HSP90AA1: variants seen among roughly 807,000 people sequenced by gnomAD.
HSP90AA1 encodes heat shock protein 90 alpha family class A member 1.
A neutral mutation model predicts 73.3 loss-of-function variants in HSP90AA1; 18 were observed. The ratio of observed to expected loss-of-function variants is 0.25; its 90% CI spans 0.17 to 0.36. HSP90AA1 has a LOEUF of 0.36. Among genes scored for constraint, HSP90AA1 ranks in the 10% least tolerant of loss-of-function variants. The pLI is 1.00. For missense variants in HSP90AA1, 704 were observed against 874.2 expected (o/e 0.81, Z 2.45); for synonymous variants, 477 against 296.9 (o/e 1.61, Z -6.24).
intron 1 of HSP90AA1, among the ~76,000 whole-genome samples, chr14:102,106,289 A>G (rs935785815): frequency 1.3e-5 from 2 of 152,148 alleles, no homozygotes; most frequent in Non-Finnish European, 2.9e-5. Context: ...GAAGTTTTTC[A>G]CTATTTTCAT....
intron 2 of HSP90AA1, among the ~76,000 whole-genome samples, chr14:102,097,177 G>A (rs2049435914): frequency 6.6e-6 from 1 of 151,900 alleles, no homozygotes; most frequent in African/African-American, 2.4e-5. Context: ...GTAGAGACGG[G>A]GTTTCTCCAT....
chr14:102,094,484 A>G (rs1217253697), intron 2 of HSP90AA1, among the ~76,000 whole-genome samples: 1 of 152,092 alleles, frequency 6.6e-6, no homozygotes, highest in Non-Finnish European at 1.5e-5. Flanking sequence ...GGTGAGGGGC[A>G]CCCCATGCAC....
rs2050194461 is a variant in HSP90AA1 at position 102,139,511 on chromosome 14, G to A, written c.-107C>T. On this transcript the variant is annotated 5_prime_UTR_variant, in exon 1 of 12. Transcript: ENST00000334701. ...TCCCGGCGCCCCTCAGGGCAGGGCG[G>A]GAGACCGCTGAGGAGGCACCCTCAA... 4 of 1,231,846 alleles carry A rather than the reference G, an allele frequency of 3.2e-6. 1 individual carries two copies. The South Asian group carries it at 6.2e-5, about 19-fold the overall frequency. The allele number at this position is 1,231,846 out of a possible 1,614,324, so 76.3% of individuals were successfully genotyped here. A position where few individuals can be genotyped will look rare whatever the true frequency, so the allele number is the denominator to read the frequency against.
chr14:102,134,345 AG>A (rs1342166306), intron 1 of HSP90AA1, among the ~76,000 whole-genome samples: 3 of 132,820 alleles, frequency 2.3e-5, no homozygotes, highest in African/African-American at 8.1e-5. Context: ...AAAAAAAAAA[AG>A]GATGACAGTA....
chr14:102,139,644 G>A (rs577664351), exon 1 of HSP90AA1: 7 of 641,548 alleles, frequency 1.1e-5, no homozygotes, highest in African/African-American at 7.3e-5. Context: ...AGCTGAAGCC[G>A]GCATCACCTG....
At chr14:102,126,448 C>T (rs1005222072) in intron 1 of HSP90AA1, among the ~76,000 whole-genome samples, 4 of 152,048 alleles carry the variant, frequency 2.6e-5, no homozygotes, top group African/African-American at 4.8e-5. Context: ...ATTCTTAAAG[C>T]GGAAAAAGAA....
upstream of HSP90AA1, among the ~76,000 whole-genome samples, chr14:102,087,601 C>T (rs1255930075): frequency 2.0e-5 from 3 of 152,280 alleles, no homozygotes; most frequent in South Asian, 6.2e-4. Flanking sequence ...AGAATCCAGC[C>T]GCAAGCGGCG....
At chr14:102,125,819 A>G (rs2049832727) in intron 1 of HSP90AA1, among the ~76,000 whole-genome samples, 1 of 152,204 alleles carries the variant, frequency 6.6e-6, no homozygotes, top group African/African-American at 2.4e-5. Context: ...ATCTTTCTCA[A>G]AGGTGAGTCA....
At chr14:102,132,924 C>T (rs1222199867) in intron 1 of HSP90AA1, among the ~76,000 whole-genome samples, 2 of 149,948 alleles carry the variant, frequency 1.3e-5, no homozygotes, top group Non-Finnish European at 3.0e-5. Flanking sequence ...TGTGCCACTG[C>T]ACTCCAGCCT....
chr14:102,089,146 C>T (rs565491645), upstream of HSP90AA1, among the ~76,000 whole-genome samples: 8 of 152,256 alleles, frequency 5.3e-5, no homozygotes, highest in East Asian at 1.2e-3. Flanking sequence ...GTCTCGAACC[C>T]GTGACCTCAG....
intron 2 of HSP90AA1, chr14:102,101,765 G>A (rs1421699310): frequency 5.9e-6 from 5 of 842,578 alleles, no homozygotes; most frequent in Admixed American, 2.0e-5. Flanking sequence ...ACAATAAAGA[G>A]AGTGACATTG....
rs1168114801 is a variant in HSP90AA1, at chr14:102,084,335, C to A, written c.1147+64G>T. On this transcript the variant is annotated intron_variant, in intron 6 of 10. Transcript: ENST00000216281. ...TGCTAGGATTATAGGTGTGAGCCAC[C>A]ATGCCCACCCAGAAAGTACTTCTTT... is the stretch of plus-strand genomic sequence containing the variant. The A allele has an allele frequency of 1.2e-3, 1,753 of 1,483,308 alleles. 38 individuals are homozygous for A. In the Admixed American group the frequency reaches 0.028, roughly 24 times the overall value. 91.9% of individuals were successfully genotyped at this position (1,483,308 alleles called of 1,614,324 possible).
intron 1 of HSP90AA1, among the ~76,000 whole-genome samples, chr14:102,113,680 T>C (rs574076640): frequency 6.6e-6 from 1 of 151,246 alleles, no homozygotes; most frequent in Admixed American, 6.6e-5. Flanking sequence ...GCACCAGGCA[T>C]ACTCATTTAT....
chr14:102,126,580 A>G (rs1428781811), intron 1 of HSP90AA1, among the ~76,000 whole-genome samples: 1 of 151,556 alleles, frequency 6.6e-6, no homozygotes, highest in African/African-American at 2.4e-5. Flanking sequence ...GCTGGAGTGC[A>G]GTGGCGCAAC....
chr14:102,124,341 G>A (rs1481588047), intron 1 of HSP90AA1, among the ~76,000 whole-genome samples: 3 of 150,124 alleles, frequency 2.0e-5, no homozygotes, highest in Non-Finnish European at 3.0e-5. Flanking sequence ...ACAGGTGCTC[G>A]CCACCATGCC....
At chr14:102,108,391 G>T (rs2049597306) in intron 1 of HSP90AA1, among the ~76,000 whole-genome samples, 1 of 151,088 alleles carries the variant, frequency 6.6e-6, no homozygotes, top group South Asian at 2.1e-4. Flanking sequence ...GCCTAGCTTT[G>T]AATTCTTTTT....
intron 1 of HSP90AA1, among the ~76,000 whole-genome samples, chr14:102,117,227 A>G (rs777101178): frequency 5.9e-5 from 9 of 152,168 alleles, no homozygotes; most frequent in Non-Finnish European, 1.3e-4. Context: ...TGTAGGAAGT[A>G]GACCGGCTCC....
At position 102,082,037 on chromosome 14, in the gene HSP90AA1, A is replaced by T. The variant is rs562929873; in HGVS notation, c.2089+74T>A. On this transcript the variant is annotated intron_variant, in intron 10 of 10. Transcript: ENST00000216281. Reference sequence around the variant, plus strand: ...GGACAAGGTGCTCCAAGTTTGGATAACTGAAAGTTCACCATTTTCTTCAAT... The same window carrying T: ...GGACAAGGTGCTCCAAGTTTGGATATCTGAAAGTTCACCATTTTCTTCAAT... 1.7e-5 allele frequency: 18 copies of T among 1,080,694 alleles called. No individual in the cohort carries two copies. In the Admixed American group the frequency reaches 2.9e-4, roughly 17 times the overall value. 66.9% of individuals were successfully genotyped at this position (1,080,694 alleles called of 1,614,324 possible). A position where few individuals can be genotyped will look rare whatever the true frequency, so the allele number is the denominator to read the frequency against.
chr14:102,138,558 A>G (rs888935942), intron 1 of HSP90AA1, among the ~76,000 whole-genome samples: 3 of 151,884 alleles, frequency 2.0e-5, no homozygotes, highest in African/African-American at 7.3e-5. Flanking sequence ...TATCAAATGT[A>G]TTACTACATC....
Sources: gnomAD v4.1 joint callset for allele counts (sites outside exome capture counted in the v4.1 genomes callset) on GRCh38, gnomAD v4.1.1 for gene constraint, MANE v1.5 for transcripts, NCBI Gene and HGNC (gene_info 2026-07-23, HGNC 2026-07-21) for gene names.